The following EBF1 variants were observed in gnomAD, a reference collection of about 807,000 sequenced individuals.
The protein encoded by EBF1 is EBF transcription factor 1.
Under a neutral mutation model 68.4 loss-of-function variants are expected in EBF1, and 10 were observed. That is an observed-to-expected ratio of 0.15 (90% confidence interval 0.09 to 0.25). The LOEUF is 0.25. EBF1 is among the 10% of genes least tolerant of loss of function. The probability of loss-of-function intolerance (pLI) is 1.00; values close to 1 mark genes in which losing one functional copy is unlikely to be tolerated. For synonymous variants in EBF1, 298 were observed against 299.8 expected (o/e 0.99, Z 0.06); for missense variants, 509 against 794.4 (o/e 0.64, Z 4.32).
Position 159,099,527 on chromosome 5 carries a change from A to C in EBF1, c.-49T>G. 2.6e-5 allele frequency: 1 copy of C among 38,736 alleles called. No individual in the cohort carries two copies. The highest frequency in any genetic ancestry group is 5.6e-4 in the South Asian group (1 of 1,780). 2.4% of individuals were successfully genotyped at this position (38,736 alleles called of 1,614,324 possible). On this transcript the variant is annotated 5_prime_UTR_variant, in exon 1 of 16. Transcript: ENST00000313708. Reference sequence around the variant, plus strand: ...AATCTCCTCCCCCTTGAAAAAAATTAAAAAAAAAAAAAAAGGAAAGAAAAG... The same window carrying C: ...AATCTCCTCCCCCTTGAAAAAAATTCAAAAAAAAAAAAAAGGAAAGAAAAG...
intron 6 of EBF1, among the ~76,000 whole-genome samples, 177 bp from the exon 7 acceptor site, chr5:158,840,287 C>T (rs999555516): frequency 1.5e-4 from 23 of 152,340 alleles, no homozygotes; most frequent in Middle Eastern, 3.4e-3. Flanking sequence ...TGTTTCCACG[C>T]TGGACCTTCC....
In EBF1 at chr5:158,731,171, G is replaced by T; in HGVS notation, c.1037-14C>A. On this transcript the variant is annotated splice_polypyrimidine_tract_variant and intron_variant, in intron 10 of 15. Transcript: ENST00000313708. Reference sequence around the variant, plus strand: ...GTTCGTTGAGCGCTGCAATAAAGAAGTCACACAATTAGTACATTTTCAAGA... The same window carrying T: ...GTTCGTTGAGCGCTGCAATAAAGAATTCACACAATTAGTACATTTTCAAGA... The T allele has an allele frequency of 6.2e-7, 1 of 1,612,410 alleles. No individual in the cohort carries two copies. The highest frequency in any genetic ancestry group is 8.5e-7 in the Non-Finnish European group (1 of 1,178,726).
intron 6 of EBF1, among the ~76,000 whole-genome samples, chr5:158,853,041 G>C (rs576739919): frequency 1.1e-4 from 16 of 152,298 alleles, no homozygotes; most frequent in African/African-American, 3.8e-4. Context: ...TGGCATCCGT[G>C]ATCACCCCAA....
intron 8 of EBF1, among the ~76,000 whole-genome samples, chr5:158,806,378 G>A (rs545588055): frequency 1.3e-5 from 2 of 152,092 alleles, no homozygotes; most frequent in Non-Finnish European, 2.9e-5. Flanking sequence ...GTTCACGATG[G>A]AAATCTCAAG....
rs1264718353 is a variant in EBF1 at position 158,949,461 on chromosome 5, T to G, written c.555-109351A>C. Among the ~76,000 whole-genome samples the G allele has an allele frequency of 3.9e-5, 6 of 152,056 alleles. No homozygotes were observed. The East Asian group carries it at 1.2e-3, about 29-fold the overall frequency. On this transcript the variant is annotated intron_variant, in intron 6 of 15. Coordinates refer to ENST00000313708, the MANE Select transcript of EBF1 (RefSeq NM_024007.5). Reference sequence around the variant, plus strand: ...CCTGGGCAACACAGTGAGACCCCCATCTCTACAAAAACAACTTTTTAAACT... The same window carrying G: ...CCTGGGCAACACAGTGAGACCCCCAGCTCTACAAAAACAACTTTTTAAACT...
chr5:159,006,647 TAAAAAAAAAAAAAAAA>T (rs36045942), intron 6 of EBF1, among the ~76,000 whole-genome samples: 1 of 56,226 alleles, frequency 1.8e-5, no homozygotes, highest in Non-Finnish European at 3.0e-5. Flanking sequence ...ATAGCCATGT[TAAAAAAAAAAAAAAAA>T]AAAAAAAAAA....
At chr5:159,005,659 A>T (rs192660546) in intron 6 of EBF1, among the ~76,000 whole-genome samples, 349 of 150,640 alleles carry the variant, frequency 2.3e-3, no homozygotes, top group Admixed American at 2.0e-3. Context: ...TTTTCTGCAT[A>T]AAAAAAACCA....
chr5:158,719,373 C>A (rs1761450397), intron 11 of EBF1, among the ~76,000 whole-genome samples: 1 of 152,032 alleles, frequency 6.6e-6, no homozygotes, highest in African/African-American at 2.4e-5. Flanking sequence ...ACTCTTAGGC[C>A]CTTGGAAATA....
intron 7 of EBF1, among the ~76,000 whole-genome samples, chr5:158,833,075 T>A (rs540638580): frequency 2.7e-4 from 41 of 152,186 alleles, no homozygotes; most frequent in Non-Finnish European, 4.9e-4. Context: ...TGAACTTGAG[T>A]GTCCTCACCT....
At chr5:158,880,115 G>A (rs760091880) in intron 6 of EBF1, among the ~76,000 whole-genome samples, 7 of 152,160 alleles carry the variant, frequency 4.6e-5, no homozygotes, top group Admixed American at 1.3e-4. Flanking sequence ...ATCGCCCCAC[G>A]GCCTCTTTTG....
Position 158,704,300 on chromosome 5 carries a change from G to T in EBF1, c.1744+3679C>A, listed in dbSNP as rs1473818650. Among the ~76,000 whole-genome samples the T allele has an allele frequency of 2.6e-5, 4 of 152,236 alleles. No homozygotes were observed. In the East Asian group the frequency reaches 7.7e-4, roughly 29 times the overall value. The stretch of plus-strand genomic sequence containing the variant: ...ATAAATATGCGTGTAGTAACCGGAG[G>T]AGACTAAGGGAGTGCTGCTGGGGAA... On this transcript the variant is annotated intron_variant, in intron 15 of 15. Transcript: ENST00000313708.
chr5:159,034,527 C>T (rs529563737), intron 6 of EBF1, among the ~76,000 whole-genome samples: 4 of 152,304 alleles, frequency 2.6e-5, no homozygotes, highest in South Asian at 2.1e-4. Context: ...GACAGCAAAT[C>T]GATTAGTGCT....
chr5:159,084,618 T>C (rs1168668622), intron 5 of EBF1, 48 bp downstream of exon 5: 3 of 1,431,992 alleles, frequency 2.1e-6, no homozygotes, highest in Non-Finnish European at 9.3e-7. Flanking sequence ...GAAATGCAAA[T>C]TCATCTTCTC....
chr5:159,086,182 G>A (rs930424252), intron 4 of EBF1, among the ~76,000 whole-genome samples: 14 of 151,994 alleles, frequency 9.2e-5, no homozygotes, highest in Admixed American at 2.6e-4. Flanking sequence ...TGACTAAAAT[G>A]TTTATATTTT....
At position 158,861,605 on chromosome 5, in the gene EBF1, C is replaced by T. The variant is rs139183676; in HGVS notation, c.555-21495G>A. Among the ~76,000 whole-genome samples the T allele has an allele frequency of 1.9e-4, 29 of 152,268 alleles. No individual in the cohort carries two copies. The East Asian group carries it at 5.4e-3, about 28-fold the overall frequency. ...TGGCACAGGAGTTGAGAGAAATGTCCGGAATTAGCTTAGTCAAATGCTGCC... is the reference window on the plus strand; with the variant it reads ...TGGCACAGGAGTTGAGAGAAATGTCTGGAATTAGCTTAGTCAAATGCTGCC... On this transcript the variant is annotated intron_variant, in intron 6 of 15. Coordinates refer to ENST00000313708, the MANE Select transcript of EBF1 (RefSeq NM_024007.5).
intron 10 of EBF1, among the ~76,000 whole-genome samples, chr5:158,762,850 T>C (rs1436954405): frequency 6.6e-6 from 1 of 152,166 alleles, no homozygotes; most frequent in Non-Finnish European, 1.5e-5. Flanking sequence ...TTTTATGAAT[T>C]GGGATATGCC....
chr5:159,069,068 T>C (rs1777359635), intron 6 of EBF1, among the ~76,000 whole-genome samples: 1 of 152,114 alleles, frequency 6.6e-6, no homozygotes. Context: ...GCTTTTAACA[T>C]CCAAGTTTTA....
chr5:158,724,966 G>C (rs1762700150), intron 11 of EBF1, among the ~76,000 whole-genome samples: 1 of 152,200 alleles, frequency 6.6e-6, no homozygotes, highest in Admixed American at 6.5e-5. Flanking sequence ...AACATATCAT[G>C]TGGCCAGCAG....
chr5:159,080,766 A>T (rs1779621596), intron 5 of EBF1, among the ~76,000 whole-genome samples: 1 of 152,192 alleles, frequency 6.6e-6, no homozygotes, highest in Non-Finnish European at 1.5e-5. Context: ...AAGTAATATT[A>T]TCCTCTATTT....
Sources: allele counts gnomAD v4.1 joint callset (sites outside exome capture counted in the v4.1 genomes callset), GRCh38; gene constraint gnomAD v4.1.1; transcripts MANE v1.5; gene names NCBI Gene and HGNC (gene_info 2026-07-23, HGNC 2026-07-21).